Variants in UBE2W observed in about 807,000 individuals in gnomAD.
UBE2W encodes ubiquitin-conjugating enzyme E2 W.
UBE2W carries 18 observed loss-of-function variants against 27.2 expected under a neutral mutation model. The ratio of observed to expected loss-of-function variants is 0.66; its 90% confidence interval spans 0.46 to 0.98. The LOEUF (loss-of-function observed/expected upper bound fraction) is 0.98. Among genes scored for constraint, UBE2W ranks in the 50% least tolerant of loss-of-function variants. The pLI is 0.00. For synonymous variants in UBE2W, 53 were observed against 57.2 expected, an observed-to-expected ratio of 0.93 and a Z score of 0.33; for missense variants, 90 against 180.2, an observed-to-expected ratio of 0.50 and a Z score of 2.87.
chr8:73,835,784 T>C (rs1182455629), intron 1 of UBE2W, among the ~76,000 whole-genome samples: 1 of 152,100 alleles, frequency 6.6e-6, no homozygotes, highest in Non-Finnish European at 1.5e-5. Context: ...GTTTCTGTCT[T>C]GGTAATTCTC....
At position 73,866,985 on chromosome 8, in the gene UBE2W, C is replaced by CA. The variant is rs1281467629; in HGVS notation, c.15+11822dup. On this transcript the variant is annotated intron_variant, in intron 1 of 5. Coordinates refer to ENST00000602593, the MANE Select transcript of UBE2W (RefSeq NM_018299.6). ...ACGCCACCGCACTCCAGCCTGGCGA[C>CA]AGAGCGAGGCTCCGTCCCAAAAAAA... Among the ~76,000 whole-genome samples, 3 of 146,172 alleles carry CA rather than the reference C, an allele frequency of 2.1e-5. No individual in the cohort carries two copies. The East Asian group carries it at 6.0e-4, about 29-fold the overall frequency.
intron 1 of UBE2W, among the ~76,000 whole-genome samples, chr8:73,836,599 C>G (rs1159426277): frequency 6.6e-6 from 1 of 152,158 alleles, no homozygotes; most frequent in Admixed American, 6.5e-5. Context: ...ATTTAAAGAG[C>G]TGCATGTAAA....
At chr8:73,799,541 T>C (rs1007420060) in intron 5 of UBE2W, among the ~76,000 whole-genome samples, 1 of 152,144 alleles carries the variant, frequency 6.6e-6, no homozygotes, top group African/African-American at 2.4e-5. Context: ...TGTTTTTCAT[T>C]AACTGTGCCT....
At chr8:73,831,415 C>CA (rs1211239079) in intron 1 of UBE2W, 1 of 160,720 alleles carries the variant, frequency 6.2e-6, no homozygotes, top group Non-Finnish European at 1.4e-5. Context: ...TTTCACTCAA[C>CA]AAAAGATCTT....
intron 1 of UBE2W, among the ~76,000 whole-genome samples, chr8:73,852,437 T>G (rs1436542905): frequency 6.6e-6 from 1 of 152,232 alleles, no homozygotes; most frequent in African/African-American, 2.4e-5. Flanking sequence ...TCTGAAAACC[T>G]TGACTCAGAA....
chr8:73,865,058 A>G (rs1489041257), intron 1 of UBE2W, among the ~76,000 whole-genome samples: 3 of 152,072 alleles, frequency 2.0e-5, no homozygotes, highest in Non-Finnish European at 4.4e-5. Context: ...ATTACCAACA[A>G]AAAGCACAAA....
intron 1 of UBE2W, 96 bp downstream of exon 1, chr8:73,878,712 C>G (rs1242358821): frequency 8.7e-7 from 1 of 1,154,042 alleles, no homozygotes; most frequent in Non-Finnish European, 1.3e-6. Flanking sequence ...CCGAACCCGC[C>G]CGGGTGTCCC....
chr8:73,812,518 TG>T (rs2130876876), intron 3 of UBE2W, among the ~76,000 whole-genome samples: 1 of 152,308 alleles, frequency 6.6e-6, no homozygotes, highest in Admixed American at 6.5e-5. Flanking sequence ...TTCATAAATA[TG>T]AACTATAGTT....
At chr8:73,818,605 A>T (rs1563589527) in intron 3 of UBE2W, among the ~76,000 whole-genome samples, 1 of 152,158 alleles carries the variant, frequency 6.6e-6, no homozygotes, top group Non-Finnish European at 1.5e-5. Flanking sequence ...TACAGTTTGG[A>T]TGTTTGTCCC....
At chr8:73,842,504 G>A (rs1007962534) in intron 1 of UBE2W, among the ~76,000 whole-genome samples, 3 of 136,554 alleles carry the variant, frequency 2.2e-5, no homozygotes, top group African/African-American at 9.0e-5. Flanking sequence ...ACTCCAGCCT[G>A]GGCGACAGAG....
chr8:73,835,586 T>C (rs1327290633), intron 1 of UBE2W, among the ~76,000 whole-genome samples: 3 of 151,984 alleles, frequency 2.0e-5, no homozygotes, highest in Admixed American at 1.3e-4. Context: ...CTACTAAAAA[T>C]ACAAAAAATC....
rs1325396544 is a variant in UBE2W, at chr8:73,791,254, C to A, written c.*2848G>T. ...CTCTCTAAACCTATGGCATTAATCC[C>A]TACTTGACCAAAGAAAAAAAAAAAA... On this transcript the variant is annotated 3_prime_UTR_variant, in exon 6 of 6. Coordinates refer to ENST00000602593, the MANE Select transcript of UBE2W (RefSeq NM_018299.6). 1.0e-6 allele frequency: 1 copy of A among 980,956 alleles called. No homozygotes were observed. 60.8% of individuals were successfully genotyped at this position (980,956 alleles called of 1,614,324 possible).
chr8:73,849,923 T>C (rs187708319), intron 1 of UBE2W, among the ~76,000 whole-genome samples: 4 of 149,918 alleles, frequency 2.7e-5, no homozygotes, highest in African/African-American at 5.1e-5. Flanking sequence ...TAATAAAAGA[T>C]AGAATAACTA....
chr8:73,847,589 T>C (rs1810866376), intron 1 of UBE2W, among the ~76,000 whole-genome samples: 1 of 151,962 alleles, frequency 6.6e-6, no homozygotes, highest in Non-Finnish European at 1.5e-5. Flanking sequence ...AACTCAAATG[T>C]CCATCATCAA....
chr8:73,862,820 T>G (rs1811583823), intron 1 of UBE2W, among the ~76,000 whole-genome samples: 1 of 136,820 alleles, frequency 7.3e-6, no homozygotes, highest in East Asian at 2.1e-4. Context: ...AAAAAACACA[T>G]GAAAAAATGC....
At chr8:73,864,840 G>C (rs1196284239) in intron 1 of UBE2W, among the ~76,000 whole-genome samples, 1 of 150,560 alleles carries the variant, frequency 6.6e-6, no homozygotes, top group Non-Finnish European at 1.5e-5. Context: ...CCTGACAAGT[G>C]ATCCACCCAA....
intron 5 of UBE2W, among the ~76,000 whole-genome samples, chr8:73,794,858 AAAAAAAAAAAAG>A (rs1808345486): frequency 6.8e-6 from 1 of 148,092 alleles, no homozygotes; most frequent in Non-Finnish European, 1.5e-5. Context: ...GTCTCATAAA[AAAAAAAAAAAAG>A]AAAAAAAAAA....
chr8:73,807,107 TA>T (rs1373603848), intron 4 of UBE2W, among the ~76,000 whole-genome samples: 1 of 152,254 alleles, frequency 6.6e-6, no homozygotes, highest in Non-Finnish European at 1.5e-5. Flanking sequence ...ATATTAAAGC[TA>T]TATTAAAGTT....
rs1398882354 is a variant in UBE2W, at chr8:73,789,802, A to C, written c.*4300T>G. On this transcript the variant is annotated 3_prime_UTR_variant, in exon 6 of 6. Transcript: ENST00000602593. ...GAAATGAGCCAAGATCGTGCACTGC[A>C]CTAAAGCCCGGGTGACAGAGCAAGA... 4 of 666,148 alleles carry C rather than the reference A, an allele frequency of 6.0e-6. No homozygotes were observed. In the African/African-American group the frequency reaches 7.9e-5, roughly 13 times the overall value. 41.3% of individuals were successfully genotyped at this position (666,148 alleles called of 1,614,324 possible). A position where few individuals can be genotyped will look rare whatever the true frequency, so the allele number is the denominator to read the frequency against.
Sources: gnomAD v4.1 joint callset for allele counts (sites outside exome capture counted in the v4.1 genomes callset) on GRCh38, gnomAD v4.1.1 for gene constraint, MANE v1.5 for transcripts, NCBI Gene and HGNC (gene_info 2026-07-23, HGNC 2026-07-21) for gene names.